MAD1L1: variants seen among roughly 807,000 people sequenced by gnomAD.
The protein encoded by MAD1L1 is mitotic arrest deficient 1 like 1, also known as mitotic spindle assembly checkpoint protein MAD1.
In MAD1L1, 95 loss-of-function variants were observed where a neutral mutation model predicts 96.9. The ratio of observed to expected loss-of-function variants is 0.98; its 90% CI spans 0.83 to 1.16. The LOEUF (loss-of-function observed/expected upper bound fraction) is 1.16. MAD1L1 is among the 50% of genes most tolerant of loss of function. The pLI is 0.00. For synonymous variants in MAD1L1, 473 were observed against 396.6 expected (o/e 1.19, Z -2.29); for missense variants, 1,007 against 954.4 (o/e 1.06, Z -0.73).
At chr7:1,841,010 C>G (rs1309989501) in intron 18 of MAD1L1, among the ~76,000 whole-genome samples, 1 of 152,216 alleles carries the variant, frequency 6.6e-6, no homozygotes, top group Non-Finnish European at 1.5e-5. Context: ...AATCTCTGGG[C>G]CAGGCACAGC....
At chr7:1,892,359 G>A (rs1001538812) in intron 18 of MAD1L1, among the ~76,000 whole-genome samples, 1 of 152,218 alleles carries the variant, frequency 6.6e-6, no homozygotes, top group African/African-American at 2.4e-5. Context: ...CTGGCAAAGC[G>A]AGACCGTACT....
chr7:1,939,314 TACACAC>T (rs896122691), intron 16 of MAD1L1, among the ~76,000 whole-genome samples: 1 of 114,278 alleles, frequency 8.8e-6, no homozygotes, highest in Non-Finnish European at 1.8e-5. Context: ...CGCACACACA[TACACAC>T]ACACATACAC....
At chr7:2,179,879 G>A (rs558839983) in intron 10 of MAD1L1, among the ~76,000 whole-genome samples, 11 of 151,910 alleles carry the variant, frequency 7.2e-5, no homozygotes, top group Admixed American at 7.2e-4. Flanking sequence ...GCTGAGGCAA[G>A]AGAATCGCTT....
chr7:2,007,207 G>A (rs914354808), intron 13 of MAD1L1, among the ~76,000 whole-genome samples: 2 of 152,228 alleles, frequency 1.3e-5, no homozygotes, highest in Non-Finnish European at 2.9e-5. Context: ...TCAGTCACTG[G>A]AGACACACAG....
At chr7:1,860,367 G>C (rs12674189) in intron 18 of MAD1L1, among the ~76,000 whole-genome samples, 1,032 of 53,590 alleles carry the variant, frequency 0.019, 23 homozygotes, top group African/African-American at 0.055. Flanking sequence ...CGGCCTCTGT[G>C]TCCCTAGACT....
chr7:1,887,753 CCATGTGTG>C (rs989488023), intron 18 of MAD1L1, among the ~76,000 whole-genome samples: 19 of 116,788 alleles, frequency 1.6e-4, no homozygotes, highest in Non-Finnish European at 3.0e-4. Flanking sequence ...GTGCATGTGT[CCATGTGTG>C]CATGTGGCTG....
intron 18 of MAD1L1, among the ~76,000 whole-genome samples, chr7:1,870,781 C>T (rs1394016403): frequency 7.5e-6 from 1 of 133,246 alleles, no homozygotes; most frequent in African/African-American, 3.0e-5. Flanking sequence ...GACCATAACA[C>T]CTGCCACGCT....
intron 18 of MAD1L1, among the ~76,000 whole-genome samples, chr7:1,893,851 C>A (rs997850697): frequency 6.6e-6 from 1 of 152,222 alleles, no homozygotes; most frequent in Non-Finnish European, 1.5e-5. Flanking sequence ...TATCTCTCCT[C>A]TGGACAGTGG....
intron 15 of MAD1L1, among the ~76,000 whole-genome samples, chr7:1,965,303 AAG>A (rs1356420776): frequency 6.6e-6 from 1 of 152,144 alleles, no homozygotes; most frequent in Non-Finnish European, 1.5e-5. Flanking sequence ...GTTTGTCATA[AAG>A]AGAGCACGTG....
chr7:1,873,861 C>T (rs1381344848), intron 18 of MAD1L1, among the ~76,000 whole-genome samples: 1 of 152,196 alleles, frequency 6.6e-6, no homozygotes, highest in East Asian at 1.9e-4. Context: ...GGCCCTGAAA[C>T]TGCTCCCCGT....
At chr7:1,947,312 G>A (rs555871280) in intron 16 of MAD1L1, among the ~76,000 whole-genome samples, 14 of 152,372 alleles carry the variant, frequency 9.2e-5, no homozygotes, top group African/African-American at 3.4e-4. Context: ...GCCTGTCCCC[G>A]TGTGCCTGAC....
intron 11 of MAD1L1, among the ~76,000 whole-genome samples, chr7:2,073,534 C>T (rs888799580): frequency 2.6e-5 from 4 of 152,230 alleles, no homozygotes; most frequent in African/African-American, 9.6e-5. Flanking sequence ...GTCACCATCT[C>T]CCCGATCCGC....
rs1787074157 is a variant in MAD1L1 at position 2,106,005 on chromosome 7, C to CCTTGCCCCACACATGGCCCCGCG, written c.1074-36668_1074-36667insCGCGGGGCCATGTGTGGGGCAAG. 2.0e-4 allele frequency among the ~76,000 whole-genome samples: 23 copies of CCTTGCCCCACACATGGCCCCGCG among 115,816 alleles called. No homozygotes were observed. In the Admixed American group the frequency reaches 2.2e-3, roughly 11 times the overall value. 76.0% of individuals were successfully genotyped at this position (115,816 alleles called of 152,430 possible). A position where few individuals can be genotyped will look rare whatever the true frequency, so the allele number is the denominator to read the frequency against. ...GCCCCTGCCCCACATATGGCCCCGC[C>CCTTGCCCCACACATGGCCCCGCG]CCTGCCCCACACATGGCCCCGCCCC... On this transcript the variant is annotated intron_variant, in intron 11 of 18. Coordinates refer to ENST00000265854, the MANE Select transcript of MAD1L1 (RefSeq NM_001013836.2).
chr7:1,888,350 G>A (rs1786287290), intron 18 of MAD1L1, among the ~76,000 whole-genome samples: 1 of 145,748 alleles, frequency 6.9e-6, no homozygotes, highest in Non-Finnish European at 1.5e-5. Context: ...GCCTGTGCAT[G>A]TGTGTGCATG....
chr7:2,120,758 G>A (rs565457475), intron 11 of MAD1L1, among the ~76,000 whole-genome samples: 8 of 152,206 alleles, frequency 5.3e-5, no homozygotes, highest in East Asian at 1.9e-4. Context: ...CAGGGGGTGC[G>A]GGACAGGAGG....
chr7:2,067,655 C>T (rs1784942157), intron 12 of MAD1L1, among the ~76,000 whole-genome samples: 1 of 152,248 alleles, frequency 6.6e-6, no homozygotes, highest in African/African-American at 2.4e-5. Context: ...CGTGCTGTGG[C>T]CTGTGGGCCC....
chr7:2,162,870 A>ATT (rs1230584718), intron 10 of MAD1L1, among the ~76,000 whole-genome samples: 2 of 147,594 alleles, frequency 1.4e-5, no homozygotes, highest in Non-Finnish European at 1.5e-5. Flanking sequence ...TTGGAGTTTC[A>ATT]TCTTTTTTTT....
chr7:1,941,582 C>G (rs1026371221), intron 16 of MAD1L1, among the ~76,000 whole-genome samples: 9 of 152,072 alleles, frequency 5.9e-5, no homozygotes, highest in Non-Finnish European at 1.3e-4. Flanking sequence ...CCACCGTGTC[C>G]GGGCTGGGAC....
chr7:2,077,770 C>A lies in MAD1L1; in HGVS notation c.1074-8432G>T, dbSNP rs1232378822. 1.1e-4 allele frequency among the ~76,000 whole-genome samples: 17 copies of A among 152,218 alleles called. 1 individual carries two copies. Among genetic ancestry groups the A allele is most frequent in the Non-Finnish European group, 2.5e-4 (17 of 68,040 alleles). On this transcript the variant is annotated intron_variant, in intron 11 of 18. Transcript: ENST00000265854. ...GCCCCAGTGGACAGCCTGCCCTGCT[C>A]TGCTCCGGAAGCACCCACAGGTTCT...
Sources: gnomAD v4.1 joint callset for allele counts (sites outside exome capture counted in the v4.1 genomes callset) on GRCh38, gnomAD v4.1.1 for gene constraint, MANE v1.5 for transcripts, NCBI Gene and HGNC (gene_info 2026-07-23, HGNC 2026-07-21) for gene names.